MLLT10: variants seen among roughly 807,000 people sequenced by gnomAD.
MLLT10 encodes protein AF-10.
Under a neutral mutation model 129.1 loss-of-function variants are expected in MLLT10, and 30 were observed. The observed-to-expected ratio is 0.23, with a 90% CI of 0.17 to 0.32. The LOEUF is 0.32. Among genes scored for constraint, MLLT10 ranks in the 10% least tolerant of loss-of-function variants. The pLI, the probability that MLLT10 is intolerant of heterozygous loss-of-function variation, is 1.00. For missense variants in MLLT10, 1,119 were observed against 1,268.3 expected, an observed-to-expected ratio of 0.88 and a Z score of 1.79; for synonymous variants, 490 against 446.4, an observed-to-expected ratio of 1.10 and a Z score of -1.23.
intron 3 of MLLT10, 59 bp from the exon 4 acceptor site, chr10:21,586,235 A>G: frequency 1.5e-6 from 2 of 1,326,230 alleles, no homozygotes. Context: ...TGCAGGGAAG[A>G]TACTACATTT....
chr10:21,695,771 CCTT>C (rs2054300995), intron 13 of MLLT10, among the ~76,000 whole-genome samples: 1 of 151,970 alleles, frequency 6.6e-6, no homozygotes, highest in South Asian at 2.1e-4. Flanking sequence ...CCACCCTGTC[CCTT>C]CTTATGTTAA....
chr10:21,693,927 ATGT>A (rs1194417391), intron 13 of MLLT10, among the ~76,000 whole-genome samples: 2 of 152,142 alleles, frequency 1.3e-5, no homozygotes, highest in African/African-American at 2.4e-5. Flanking sequence ...TTTAGTGAAC[ATGT>A]TGTTTTCAAG....
In MLLT10 at chr10:21,726,258, T is replaced by A; in HGVS notation, c.1893T>A (p.Ser631=). ...AVATTQANTL[S]GSSLSQAPSH... ...TTTCCATTTAGGCAAATACTCTATC[T>A]GGATCTTCTCTCAGTCAGGCACCAT... is the stretch of plus-strand genomic sequence containing the variant. Residue 631 remains serine, a synonymous_variant, in exon 15 of 23, where the codon TCT becomes TCA. Transcript: ENST00000307729. The A allele has an allele frequency of 6.2e-7, 1 of 1,608,968 alleles. No individual in the cohort carries two copies. The highest frequency in any genetic ancestry group is 8.5e-7 in the Non-Finnish European group (1 of 1,176,246).
In MLLT10 at chr10:21,742,078, A is replaced by C. The variant is rs1283234184; in HGVS notation, c.*95A>C. 1.8e-6 allele frequency: 2 copies of C among 1,090,972 alleles called. No individual in the cohort carries two copies. Among genetic ancestry groups the C allele is most frequent in the African/African-American group, 1.6e-5 (1 of 63,178 alleles). The allele number at this position is 1,090,972 out of a possible 1,614,324, so 67.6% of individuals were successfully genotyped here. A position where few individuals can be genotyped will look rare whatever the true frequency, so the allele number is the denominator to read the frequency against. On this transcript the variant is annotated 3_prime_UTR_variant, in exon 23 of 23. Coordinates refer to ENST00000307729, the MANE Select transcript of MLLT10 (RefSeq NM_001195626.3). ...TTTTACTACAGCTATGAAGAAACGC[A>C]ACAAGAAACTCAATGCACAACAAAG... is the stretch of plus-strand genomic sequence containing the variant.
chr10:21,556,597 C>T lies in MLLT10; in HGVS notation c.240+17685C>T, dbSNP rs373461606. 46 of 1,468,598 alleles carry T rather than the reference C, an allele frequency of 3.1e-5. No homozygotes were observed. In the Admixed American group the frequency reaches 3.8e-4, roughly 12 times the overall value. The allele number at this position is 1,468,598 out of a possible 1,614,324, so 91.0% of individuals were successfully genotyped here. ...TTCTAGGGCAGGTGAGAGCCAGTTACGCGTTAGTATGTAGTGAATAAGGGA... is the reference window on the plus strand; with the variant it reads ...TTCTAGGGCAGGTGAGAGCCAGTTATGCGTTAGTATGTAGTGAATAAGGGA... On this transcript the variant is annotated intron_variant, in intron 3 of 22. Coordinates refer to ENST00000307729, the MANE Select transcript of MLLT10 (RefSeq NM_001195626.3).
chr10:21,673,957 C>G, intron 11 of MLLT10, 38 bp downstream of exon 11: 2 of 1,456,448 alleles, frequency 1.4e-6, no homozygotes, highest in South Asian at 1.4e-5. Context: ...TCCTTCACTC[C>G]CACCACCTCC....
At chr10:21,704,355 CTCTATAT>C in intron 13 of MLLT10, among the ~76,000 whole-genome samples, 1 of 70,446 alleles carries the variant, frequency 1.4e-5, no homozygotes, top group South Asian at 7.0e-4. Context: ...CTCTCTCTCT[CTCTATAT>C]ATATATATAT....
rs939331931 is a variant in MLLT10 at position 21,628,718 on chromosome 10, G to C, written c.699+11511G>C. Among the ~76,000 whole-genome samples the C allele has an allele frequency of 1.8e-3, 270 of 149,478 alleles. 3 individuals carry two copies. Among genetic ancestry groups the C allele is most frequent in the Non-Finnish European group, 3.1e-4 (21 of 67,636 alleles). On this transcript the variant is annotated intron_variant, in intron 8 of 22. Coordinates refer to ENST00000307729, the MANE Select transcript of MLLT10 (RefSeq NM_001195626.3). Reference sequence around the variant, plus strand: ...GGCCTCCCAAAGTGCTGGGATTACAGGCATGAACCACTGTGCCCTGCCTTT... The same window carrying C: ...GGCCTCCCAAAGTGCTGGGATTACACGCATGAACCACTGTGCCCTGCCTTT...
At chr10:21,586,189 C>T in intron 3 of MLLT10, 105 bp from the exon 4 acceptor site, 1 of 872,346 alleles carries the variant, frequency 1.1e-6, no homozygotes, top group South Asian at 1.5e-5. Context: ...GCAACTAGGA[C>T]AAATGCTGCT....
intron 9 of MLLT10, among the ~76,000 whole-genome samples, chr10:21,666,922 T>C (rs1044518118): frequency 6.6e-6 from 1 of 152,220 alleles, no homozygotes; most frequent in African/African-American, 2.4e-5. Flanking sequence ...CAATGAACAT[T>C]TCTAATGCTC....
chr10:21,733,537 GC>G lies in MLLT10; in HGVS notation c.2444del (p.Pro815LeufsTer3). 2 of 1,572,288 alleles carry G rather than the reference GC, an allele frequency of 1.3e-6. No homozygotes were observed. The highest frequency in any genetic ancestry group is 1.7e-6 in the Non-Finnish European group (2 of 1,164,854). ...PTTDSLNSSK[S>X]PHIGNSFLPD... is the part of the protein sequence containing the mutation. The stretch of plus-strand genomic sequence containing the variant: ...ACTGATTCCTTGAACAGCAGTAAGA[GC>G]CCTCATATAGGAAACAGCTTTTTAC... On this transcript the variant is annotated frameshift_variant, in exon 19 of 23. Transcript: ENST00000307729. LOFTEE classifies it high-confidence loss of function.
At chr10:21,569,756 A>G (rs1564429300) in intron 3 of MLLT10, among the ~76,000 whole-genome samples, 1 of 148,284 alleles carries the variant, frequency 6.7e-6, no homozygotes, top group Non-Finnish European at 1.5e-5. Context: ...TTTTGTAGAG[A>G]CCGGGTCTTC....
Position 21,708,562 on chromosome 10 carries a change from T to G in MLLT10, c.1700-5210T>G, listed in dbSNP as rs539599384. 79 of 984,160 alleles carry G rather than the reference T, an allele frequency of 8.0e-5. No homozygotes were observed. The East Asian group carries it at 1.0e-3, about 13-fold the overall frequency. 61.0% of individuals were successfully genotyped at this position (984,160 alleles called of 1,614,324 possible). On this transcript the variant is annotated intron_variant, in intron 13 of 22. Transcript: ENST00000307729. ...AAAGGAACATTTTGCTCTGTTTTTT[T>G]TGTGTGTGTGTTTTTTTTTTACCAG...
Position 21,600,368 on chromosome 10 carries a change from A to AACACACACACACACACAC in MLLT10, c.405+4946_405+4963dup, listed in dbSNP as rs199618726. On this transcript the variant is annotated intron_variant, in intron 5 of 22. Coordinates refer to ENST00000307729, the MANE Select transcript of MLLT10 (RefSeq NM_001195626.3). Reference sequence around the variant, plus strand: ...CAATATTGAATCTTTCCTGAGATAGAACACACACACACACACACACACACA... The same window carrying AACACACACACACACACAC: ...CAATATTGAATCTTTCCTGAGATAGAACACACACACACACACACACACACACACACACACACACACACA... Among the ~76,000 whole-genome samples the AACACACACACACACACAC allele has an allele frequency of 2.3e-3, 327 of 144,630 alleles. 2 individuals are homozygous for AACACACACACACACACAC. Among genetic ancestry groups the AACACACACACACACACAC allele is most frequent in the African/African-American group, 7.9e-3 (316 of 39,772 alleles). The allele number at this position is 144,630 out of a possible 152,430, so 94.9% of individuals were successfully genotyped here. A position where few individuals can be genotyped will look rare whatever the true frequency, so the allele number is the denominator to read the frequency against.
intron 3 of MLLT10, among the ~76,000 whole-genome samples, chr10:21,558,160 A>G (rs573290356): frequency 7.9e-5 from 12 of 151,994 alleles, no homozygotes; most frequent in African/African-American, 2.4e-4. Flanking sequence ...CATGTTGGCC[A>G]GGCTCGTCTC....
chr10:21,663,941 G>GT (rs755847878), intron 9 of MLLT10, among the ~76,000 whole-genome samples: 2 of 152,118 alleles, frequency 1.3e-5, no homozygotes, highest in Non-Finnish European at 2.9e-5. Flanking sequence ...TTTTGTGTTT[G>GT]TTTTAGGGCA....
chr10:21,694,150 C>T (rs1256581681), intron 13 of MLLT10, among the ~76,000 whole-genome samples: 1 of 152,166 alleles, frequency 6.6e-6, no homozygotes, highest in Non-Finnish European at 1.5e-5. Context: ...ATCCCATCAG[C>T]ACTGAATACT....
chr10:21,570,708 A>G (rs755420432), intron 3 of MLLT10, among the ~76,000 whole-genome samples: 13 of 151,854 alleles, frequency 8.6e-5, no homozygotes, highest in Non-Finnish European at 1.3e-4. Flanking sequence ...AAAATATTTC[A>G]TATTTTTACT....
chr10:21,659,542 G>A (rs946180396), intron 9 of MLLT10, among the ~76,000 whole-genome samples: 2 of 145,430 alleles, frequency 1.4e-5, no homozygotes, highest in African/African-American at 2.6e-5. Context: ...ACGGATTCTC[G>A]CTTTGTTGGC....
Sources: allele counts gnomAD v4.1 joint callset (sites outside exome capture counted in the v4.1 genomes callset), GRCh38; gene constraint gnomAD v4.1.1; transcripts MANE v1.5; gene names NCBI Gene and HGNC (gene_info 2026-07-23, HGNC 2026-07-21).